Variants in MAF observed in about 807,000 individuals in gnomAD.
MAF encodes transcription factor Maf.
A neutral mutation model predicts 22.0 loss-of-function variants in MAF; 10 were observed. The ratio of observed to expected loss-of-function variants is 0.45; its 90% CI spans 0.28 to 0.77. MAF has a LOEUF of 0.77. Among genes scored for constraint, MAF ranks in the 30% least tolerant of loss-of-function variants. MAF has a pLI of 0.12. For missense variants in MAF, 544 were observed against 548.4 expected, an observed-to-expected ratio of 0.99 and a Z score of 0.08; for synonymous variants, 337 against 255.8, an observed-to-expected ratio of 1.32 and a Z score of -3.03.
the MAF span, chr16:79,206,300 A>C: frequency 6.6e-6 from 1 of 152,252 alleles, no homozygotes; most frequent in Non-Finnish European, 1.5e-5. Context: ...ATAGATGAGG[A>C]AATGGGCCAC....
chr16:79,283,307 G>A, the MAF span, among the ~76,000 whole-genome samples: 3 of 152,172 alleles, frequency 2.0e-5, no homozygotes, highest in African/African-American at 7.2e-5. Context: ...TTAGACATAT[G>A]AAACTTCCTC....
chr16:79,397,194 A>G, the MAF span, among the ~76,000 whole-genome samples: 1 of 152,196 alleles, frequency 6.6e-6, no homozygotes, highest in Non-Finnish European at 1.5e-5. Context: ...TTTGGTTTGA[A>G]TCCTTTGGCA....
At chr16:79,518,889 C>A in the MAF span, among the ~76,000 whole-genome samples, 1 of 152,118 alleles carries the variant, frequency 6.6e-6, no homozygotes, top group African/African-American at 2.4e-5. Flanking sequence ...CATGCCACTG[C>A]AGTCCAGTCT....
the MAF span, among the ~76,000 whole-genome samples, chr16:79,417,165 G>C: frequency 2.0e-5 from 3 of 152,228 alleles, no homozygotes; most frequent in South Asian, 6.2e-4. Context: ...GCCTGCAGCC[G>C]ACCCCTTCCA....
chr16:79,212,044 G>GAAAGT, the MAF span: 12 of 1,536,332 alleles, frequency 7.8e-6, no homozygotes, highest in Non-Finnish European at 8.7e-6. Flanking sequence ...TGGCCTGTTT[G>GAAAGT]AAAGTAAAAA....
the MAF span, among the ~76,000 whole-genome samples, chr16:79,325,072 C>A: frequency 2.6e-4 from 40 of 152,270 alleles, no homozygotes; most frequent in Middle Eastern, 3.4e-3. Context: ...GGAATTAGAG[C>A]CTAACCCAAT....
the MAF span, among the ~76,000 whole-genome samples, chr16:79,455,696 C>T: frequency 3.3e-5 from 5 of 152,110 alleles, no homozygotes; most frequent in South Asian, 2.1e-4. Context: ...CAAATATTAG[C>T]CCTGAAAATG....
the MAF span, among the ~76,000 whole-genome samples, chr16:79,455,603 T>A: frequency 6.6e-6 from 1 of 152,244 alleles, no homozygotes; most frequent in African/African-American, 2.4e-5. Flanking sequence ...CCCATCTTAA[T>A]GGGGCGGTTT....
At chr16:79,590,994 A>G (rs1913159882), downstream of MAF, among the ~76,000 whole-genome samples, 1 of 151,818 alleles carries the variant, frequency 6.6e-6, no homozygotes. Flanking sequence ...GCAAAAAGGG[A>G]CTCTGAACTC....
At chr16:79,552,845 G>A in the MAF span, among the ~76,000 whole-genome samples, 2 of 152,116 alleles carry the variant, frequency 1.3e-5, no homozygotes, top group Admixed American at 6.6e-5. Context: ...GGTAAATGTT[G>A]ACACATGAGA....
At chr16:79,389,695 G>A in the MAF span, among the ~76,000 whole-genome samples, 1 of 152,052 alleles carries the variant, frequency 6.6e-6, no homozygotes, top group African/African-American at 2.4e-5. Flanking sequence ...CCTTAGATCA[G>A]GCCGGGCATG....
At chr16:79,424,735 C>T in the MAF span, among the ~76,000 whole-genome samples, 1 of 152,116 alleles carries the variant, frequency 6.6e-6, no homozygotes, top group Non-Finnish European at 1.5e-5. Flanking sequence ...AACAAAAATC[C>T]TGCTGCATAA....
At chr16:79,441,023 AG>A in the MAF span, among the ~76,000 whole-genome samples, 2 of 152,162 alleles carry the variant, frequency 1.3e-5, no homozygotes, top group Non-Finnish European at 2.9e-5. Flanking sequence ...ATTTGGGAGG[AG>A]GTTAATTAAA....
At chr16:79,446,594 C>T in the MAF span, among the ~76,000 whole-genome samples, 14 of 152,150 alleles carry the variant, frequency 9.2e-5, no homozygotes, top group Non-Finnish European at 1.6e-4. Context: ...ATTGAAGGCA[C>T]GTCTCACTTC....
At chr16:79,479,319 G>A in the MAF span, among the ~76,000 whole-genome samples, 6 of 152,202 alleles carry the variant, frequency 3.9e-5, no homozygotes, top group Non-Finnish European at 8.8e-5. Context: ...CCATGACAAT[G>A]TAGCAGTGTA....
chr16:79,387,036 A>G, the MAF span, among the ~76,000 whole-genome samples: 1 of 152,318 alleles, frequency 6.6e-6, no homozygotes, highest in Admixed American at 6.5e-5. Flanking sequence ...TTTTCCCAGA[A>G]TAACTGTCTA....
At chr16:79,347,633 G>C in the MAF span, among the ~76,000 whole-genome samples, 2 of 152,288 alleles carry the variant, frequency 1.3e-5, no homozygotes, top group Admixed American at 1.3e-4. Flanking sequence ...ATCTGAGCCG[G>C]GTTTATAAAT....
At chr16:79,278,778 A>C in the MAF span, among the ~76,000 whole-genome samples, 2 of 152,160 alleles carry the variant, frequency 1.3e-5, no homozygotes, top group African/African-American at 4.8e-5. Flanking sequence ...ACAGGGGGAC[A>C]GGAGATGGCT....
the MAF span, among the ~76,000 whole-genome samples, chr16:79,316,715 T>C: frequency 5.3e-5 from 8 of 152,054 alleles, no homozygotes; most frequent in Admixed American, 2.6e-4. Context: ...AGGGGTCTTA[T>C]AGAATATTCA....
Sources: allele counts gnomAD v4.1 joint callset (sites outside exome capture counted in the v4.1 genomes callset), GRCh38; gene constraint gnomAD v4.1.1; transcripts MANE v1.5; gene names NCBI Gene and HGNC (gene_info 2026-07-23, HGNC 2026-07-21).